Variants in IFT88 observed in about 807,000 individuals in gnomAD.
IFT88 encodes the protein intraflagellar transport 88, also known as intraflagellar transport protein 88 homolog.
A neutral mutation model predicts 119.5 loss-of-function variants in IFT88; 74 were observed. That is an observed-to-expected ratio of 0.62 (90% CI 0.51 to 0.75). The LOEUF is 0.75. Ranked by LOEUF, IFT88 falls within the 30% of genes least tolerant of loss-of-function variation. The pLI, the probability that IFT88 is intolerant of heterozygous loss-of-function variation, is 0.00. For missense variants in IFT88, 961 were observed against 977.7 expected (o/e 0.98, Z 0.23); for synonymous variants, 279 against 316.7 (o/e 0.88, Z 1.26).
Position 20,601,713 on chromosome 13 carries a change from T to C in IFT88, c.821T>C (p.Ile274Thr). 1 of 1,595,312 alleles carries C rather than the reference T, an allele frequency of 6.3e-7. No homozygotes were observed. Among genetic ancestry groups the C allele is most frequent in the East Asian group, 2.2e-5 (1 of 44,698 alleles). The change falls in exon 12 of 26, where the codon ATA (isoleucine) becomes ACA (threonine). Residue 274 changes from isoleucine (I) to threonine (T), a missense_variant. Coordinates refer to ENST00000351808, the MANE Select transcript of IFT88 (RefSeq NM_006531.5). ...PSVNKQMRIK[I>T]MQNIGVTFIQ... The stretch of plus-strand genomic sequence containing the variant: ...ATGTCTTTTTCTTTTAGGATTAAAA[T>C]AATGCAGAATATTGGAGTTACATTT...
chr13:20,691,050 C>G lies in IFT88; in HGVS notation c.2354-4C>G. The G allele has an allele frequency of 6.2e-7, 1 of 1,612,050 alleles. No homozygotes were observed. Among genetic ancestry groups the G allele is most frequent in the Non-Finnish European group, 8.5e-7 (1 of 1,179,396 alleles). On this transcript the variant is annotated splice_polypyrimidine_tract_variant and splice_region_variant and intron_variant, in intron 25 of 25. Coordinates refer to ENST00000351808, the MANE Select transcript of IFT88 (RefSeq NM_006531.5). ...TCTAACGTGACAATCTCTTCGAAAC[C>G]TAGATGCCTCCTATGTGGACCCACT...
chr13:20,623,642 T>C (rs990831895), intron 14 of IFT88, among the ~76,000 whole-genome samples: 5 of 151,858 alleles, frequency 3.3e-5, no homozygotes, highest in Non-Finnish European at 7.4e-5. Context: ...GCCCAGCTAA[T>C]TTTTTTTGTA....
chr13:20,614,544 A>G (rs759929224), intron 13 of IFT88: 4 of 152,178 alleles, frequency 2.6e-5, no homozygotes, highest in Non-Finnish European at 4.4e-5. Context: ...GATCAGATTA[A>G]TGGTTGTTAG....
intron 16 of IFT88, among the ~76,000 whole-genome samples, chr13:20,635,961 G>T (rs1217173021): frequency 6.6e-6 from 1 of 152,118 alleles, no homozygotes; most frequent in Non-Finnish European, 1.5e-5. Context: ...CTCAGCCTGT[G>T]TTCTGCCCTG....
At chr13:20,669,949 T>C (rs2055506206) in intron 23 of IFT88, among the ~76,000 whole-genome samples, 1 of 152,216 alleles carries the variant, frequency 6.6e-6, no homozygotes, top group African/African-American at 2.4e-5. Context: ...TATGAAACAT[T>C]TGGAAGTCCT....
chr13:20,660,881 G>T (rs1377900963), intron 22 of IFT88, among the ~76,000 whole-genome samples: 2 of 152,038 alleles, frequency 1.3e-5, no homozygotes, highest in Non-Finnish European at 2.9e-5. Flanking sequence ...GAAGTTGGGG[G>T]CCATCTTCAT....
intron 13 of IFT88, among the ~76,000 whole-genome samples, chr13:20,614,850 C>CT (rs1296966236): frequency 1.5e-5 from 2 of 129,270 alleles, no homozygotes; most frequent in Admixed American, 1.8e-4. Flanking sequence ...GAGTCTCACT[C>CT]TATCACCCAG....
intron 1 of IFT88, chr13:20,567,677 A>G (rs1322906416): frequency 2.7e-6 from 3 of 1,098,210 alleles, no homozygotes; most frequent in African/African-American, 3.2e-5. Flanking sequence ...TAGGTGAAGC[A>G]CTTCAAATTG....
chr13:20,611,496 C>T (rs1301719058), intron 13 of IFT88, among the ~76,000 whole-genome samples: 5 of 98,218 alleles, frequency 5.1e-5, no homozygotes, highest in Admixed American at 1.7e-4. Context: ...GCCTGGGAGA[C>T]AGAGCATGAC....
Position 20,643,511 on chromosome 13 carries a change from G to T in IFT88, c.1739G>T (p.Ser580Ile), listed in dbSNP as rs752051994. The change falls in exon 19 of 26, where the codon AGT becomes ATT. Residue 580 changes from serine (S) to isoleucine (I), a missense_variant. Transcript: ENST00000351808. ...ATTGAATGGCTAATGCAGGTGGTCAGTGTTATTCCAACCGATCCTCAAGTT... is the reference window on the plus strand; with the variant it reads ...ATTGAATGGCTAATGCAGGTGGTCATTGTTATTCCAACCGATCCTCAAGTT... ...QAIEWLMQVV[S>I]VIPTDPQVLS... 7 of 1,612,922 alleles carry T rather than the reference G, an allele frequency of 4.3e-6. No individual in the cohort carries two copies. Among genetic ancestry groups the T allele is most frequent in the Non-Finnish European group, 8.5e-7 (1 of 1,179,150 alleles).
intron 2 of IFT88, among the ~76,000 whole-genome samples, chr13:20,582,514 CT>C (rs1469336489): frequency 3.3e-5 from 5 of 151,938 alleles, no homozygotes; most frequent in Non-Finnish European, 7.4e-5. Context: ...AGAGTGCCCC[CT>C]GCTTGTAGAA....
At chr13:20,591,117 A>G (rs1445912247) in intron 5 of IFT88, 97 bp downstream of exon 5, 2 of 805,028 alleles carry the variant, frequency 2.5e-6, no homozygotes, top group Non-Finnish European at 4.0e-6. Flanking sequence ...TTAAAATGTT[A>G]AAGAAGATAT....
intron 14 of IFT88, among the ~76,000 whole-genome samples, chr13:20,617,391 C>T (rs1006549071): frequency 2.2e-4 from 34 of 152,064 alleles, no homozygotes; most frequent in African/African-American, 8.0e-4. Flanking sequence ...GTGGAATGTT[C>T]CATCTCTGAG....
rs539204998 is a variant in IFT88 at position 20,672,260 on chromosome 13, C to A, written c.2242+1221C>A. Among the ~76,000 whole-genome samples the A allele has an allele frequency of 1.2e-4, 18 of 152,130 alleles. 1 individual carries two copies. The highest frequency in any genetic ancestry group is 1.9e-4 in the Non-Finnish European group (13 of 68,014). On this transcript the variant is annotated intron_variant, in intron 24 of 25. Coordinates refer to ENST00000351808, the MANE Select transcript of IFT88 (RefSeq NM_006531.5). ...AGCCATCAGTGGCATCGGGTTCTAG[C>A]CAGGCCACTTGATTCCCCAAGAGTC...
chr13:20,691,049 C>T lies in IFT88; in HGVS notation c.2354-5C>T, dbSNP rs748867833. On this transcript the variant is annotated splice_polypyrimidine_tract_variant and splice_region_variant and intron_variant, in intron 25 of 25. Transcript: ENST00000351808. Reference sequence around the variant, plus strand: ...CTCTAACGTGACAATCTCTTCGAAACCTAGATGCCTCCTATGTGGACCCAC... The same window carrying T: ...CTCTAACGTGACAATCTCTTCGAAATCTAGATGCCTCCTATGTGGACCCAC... The T allele has an allele frequency of 1.2e-6, 2 of 1,611,804 alleles. No homozygotes were observed. The highest frequency in any genetic ancestry group is 1.7e-6 in the Non-Finnish European group (2 of 1,179,336).
At chr13:20,597,353 T>C (rs374997675) in intron 9 of IFT88, among the ~76,000 whole-genome samples, 5 of 152,262 alleles carry the variant, frequency 3.3e-5, no homozygotes, top group South Asian at 2.1e-4. Flanking sequence ...ACGCCTGTAA[T>C]CCTAACACCT....
intron 22 of IFT88, 71 bp downstream of exon 22, chr13:20,656,501 C>G: frequency 1.6e-6 from 1 of 644,036 alleles, no homozygotes; most frequent in South Asian, 2.7e-5. Context: ...ATATAATTAC[C>G]TTTGCTACAG....
chr13:20,647,467 C>T (rs2050924659), intron 20 of IFT88, among the ~76,000 whole-genome samples: 1 of 152,098 alleles, frequency 6.6e-6, no homozygotes, highest in Non-Finnish European at 1.5e-5. Context: ...AATTAAATTT[C>T]TTTACCATAG....
chr13:20,617,977 G>A (rs900911006), intron 14 of IFT88, among the ~76,000 whole-genome samples: 1 of 152,064 alleles, frequency 6.6e-6, no homozygotes, highest in African/African-American at 2.4e-5. Flanking sequence ...GTAGAGACAG[G>A]GTTTCGCCGT....
Sources: allele counts gnomAD v4.1 joint callset (sites outside exome capture counted in the v4.1 genomes callset), GRCh38; gene constraint gnomAD v4.1.1; transcripts MANE v1.5; gene names NCBI Gene and HGNC (gene_info 2026-07-23, HGNC 2026-07-21).